The following MEIS1 variants were observed in gnomAD, a reference collection of about 807,000 sequenced individuals.
The protein encoded by MEIS1 is homeobox protein Meis1.
A neutral mutation model predicts 50.8 loss-of-function variants in MEIS1; 5 were observed. That is an observed-to-expected ratio of 0.10 (90% confidence interval 0.05 to 0.21). The LOEUF is 0.21. Ranked by LOEUF, MEIS1 falls within the 10% of genes least tolerant of loss-of-function variation. MEIS1 has a pLI of 1.00. For synonymous variants in MEIS1, 176 were observed against 179.3 expected, an observed-to-expected ratio of 0.98 and a Z score of 0.15; for missense variants, 318 against 517.3, an observed-to-expected ratio of 0.61 and a Z score of 3.74.
intron 7 of MEIS1, among the ~76,000 whole-genome samples, chr2:66,504,791 C>T (rs1427737159): frequency 6.6e-6 from 1 of 152,194 alleles, no homozygotes; most frequent in Non-Finnish European, 1.5e-5. Flanking sequence ...GAACTTAGCT[C>T]TGCCACAGTA....
intron 10 of MEIS1, chr2:66,567,755 A>G (rs1675386351): frequency 1.6e-6 from 1 of 630,828 alleles, no homozygotes; most frequent in Non-Finnish European, 2.8e-6. Context: ...ATGCTCAGTT[A>G]CAATATTCTT....
intron 7 of MEIS1, among the ~76,000 whole-genome samples, chr2:66,506,656 T>C (rs571491635): frequency 7.2e-5 from 11 of 152,336 alleles, no homozygotes; most frequent in Admixed American, 5.9e-4. Context: ...AAAATCATTC[T>C]GGCAGCTATT....
chr2:66,436,252 T>G (rs1427510117), intron 1 of MEIS1, among the ~76,000 whole-genome samples: 2 of 152,242 alleles, frequency 1.3e-5, no homozygotes. Context: ...TGTTATTGAT[T>G]ATGCTCATCT....
intron 8 of MEIS1, among the ~76,000 whole-genome samples, chr2:66,522,755 G>C (rs1346518143): frequency 6.6e-6 from 1 of 152,084 alleles, no homozygotes; most frequent in Non-Finnish European, 1.5e-5. Flanking sequence ...AAGAGGGAGG[G>C]GGAGAAAAAA....
In MEIS1 at chr2:66,435,814, G is replaced by A. The variant is rs748630296; in HGVS notation, c.-43G>A. ...TTTCTTTTCACACTGGCCTTAAAGAGGATATATTAGAAGTTGAAGTAGGAA... is the reference window on the plus strand; with the variant it reads ...TTTCTTTTCACACTGGCCTTAAAGAAGATATATTAGAAGTTGAAGTAGGAA... On this transcript the variant is annotated 5_prime_UTR_variant, in exon 1 of 13. Coordinates refer to ENST00000272369, the MANE Select transcript of MEIS1 (RefSeq NM_002398.3). 4 of 1,510,726 alleles carry A rather than the reference G, an allele frequency of 2.6e-6. No homozygotes were observed. Among genetic ancestry groups the A allele is most frequent in the Middle Eastern group, 1.7e-4 (1 of 5,756 alleles). 93.6% of individuals were successfully genotyped at this position (1,510,726 alleles called of 1,614,324 possible).
chr2:66,535,559 T>C (rs1419992938), intron 8 of MEIS1, among the ~76,000 whole-genome samples: 1 of 152,184 alleles, frequency 6.6e-6, no homozygotes, highest in Non-Finnish European at 1.5e-5. Flanking sequence ...CGCACCTCCC[T>C]GCCCCCAGCC....
intron 6 of MEIS1, among the ~76,000 whole-genome samples, chr2:66,449,122 G>A (rs1263191849): frequency 6.6e-6 from 1 of 152,046 alleles, no homozygotes; most frequent in Non-Finnish European, 1.5e-5. Context: ...TAGAATGCAT[G>A]TGACACAGTT....
Position 66,573,061 on chromosome 2 carries a change from A to G in MEIS1, c.*1853A>G, listed in dbSNP as rs1675513447. On this transcript the variant is annotated 3_prime_UTR_variant, in exon 13 of 13. Coordinates refer to ENST00000272369, the MANE Select transcript of MEIS1 (RefSeq NM_002398.3). ...TGCACATAAAGGCAAACCTAAGTACAAAGTTAAGTCTTTTACTAAAGGATG... is the reference window on the plus strand; with the variant it reads ...TGCACATAAAGGCAAACCTAAGTACGAAGTTAAGTCTTTTACTAAAGGATG... 1 of 152,202 alleles carries G rather than the reference A, an allele frequency of 6.6e-6. No individual in the cohort carries two copies. The highest frequency in any genetic ancestry group is 2.4e-5 in the African/African-American group (1 of 41,464). 9.4% of individuals were successfully genotyped at this position (152,202 alleles called of 1,614,324 possible). A position where few individuals can be genotyped will look rare whatever the true frequency, so the allele number is the denominator to read the frequency against.
rs1226327205 is a variant in MEIS1 at position 66,572,568 on chromosome 2, C to A, written c.*1360C>A. ...AATTATACTTTTTGTTGTGGATAAA[C>A]AAATGCTTGTTGATAGCCTTTTTCT... On this transcript the variant is annotated 3_prime_UTR_variant, in exon 13 of 13. Transcript: ENST00000272369. The A allele has an allele frequency of 6.6e-6, 1 of 151,902 alleles. No individual in the cohort carries two copies. Among genetic ancestry groups the A allele is most frequent in the Non-Finnish European group, 1.5e-5 (1 of 67,980 alleles). 9.4% of individuals were successfully genotyped at this position (151,902 alleles called of 1,614,324 possible).
chr2:66,512,023 CAG>C (rs1178719282), intron 7 of MEIS1, 124 bp from the exon 8 acceptor site: 1 of 1,113,290 alleles, frequency 9.0e-7, no homozygotes, highest in Non-Finnish European at 1.2e-6. Context: ...AACAAAAAAA[CAG>C]TACCAAAGAA....
chr2:66,571,155 T>C (rs1675477549), intron 12 of MEIS1, 91 bp from the exon 13 acceptor site: 2 of 1,330,794 alleles, frequency 1.5e-6, no homozygotes, highest in South Asian at 2.8e-5. Context: ...CACAGGGTTC[T>C]CTGGCTTTTA....
chr2:66,536,165 A>G (rs1674512971), intron 8 of MEIS1, among the ~76,000 whole-genome samples: 1 of 152,218 alleles, frequency 6.6e-6, no homozygotes, highest in Admixed American at 6.5e-5. Context: ...TAGATAACAC[A>G]TAAACCCCGG....
At chr2:66,563,207 G>T (rs1675261089) in intron 9 of MEIS1, among the ~76,000 whole-genome samples, 1 of 152,102 alleles carries the variant, frequency 6.6e-6, no homozygotes, top group African/African-American at 2.4e-5. Flanking sequence ...GACCTTATCA[G>T]TATGGAAAAT....
At chr2:66,568,077 T>C (rs1675394275) in intron 10 of MEIS1, 2 of 159,218 alleles carry the variant, frequency 1.3e-5, no homozygotes, top group African/African-American at 4.8e-5. Context: ...AGACCTTCTC[T>C]TGTTAATATC....
At chr2:66,490,704 T>C (rs966222345) in intron 7 of MEIS1, among the ~76,000 whole-genome samples, 6 of 152,086 alleles carry the variant, frequency 3.9e-5, no homozygotes, top group African/African-American at 1.4e-4. Context: ...ACTCCACTGA[T>C]GAAAACATTT....
At position 66,464,204 on chromosome 2, in the gene MEIS1, C is replaced by T. The variant is rs377466642; in HGVS notation, c.726C>T (p.Asp242=). The change falls in exon 7 of 13, where the codon GAC becomes GAT. Residue 242 remains aspartate, a synonymous_variant. Transcript: ENST00000272369. Reference sequence around the variant, plus strand: ...GTGGCCACACGTCACACAGTGGGGACAACAGCAGTGAGCAAGGTAGGAGAG... The same window carrying T: ...GTGGCCACACGTCACACAGTGGGGATAACAGCAGTGAGCAAGGTAGGAGAG... ...SSGGHTSHSG[D]NSSEQGDGLD... is the part of the protein sequence containing the mutation. 13 of 1,599,276 alleles carry T rather than the reference C, an allele frequency of 8.1e-6. No homozygotes were observed. In the African/African-American group the frequency reaches 1.6e-4, roughly 20 times the overall value.
At chr2:66,439,221 G>T (rs908767637) in intron 2 of MEIS1, 9 of 965,500 alleles carry the variant, frequency 9.3e-6, no homozygotes, top group African/African-American at 1.7e-5. Context: ...TTTGGGGGGC[G>T]GTGGGGGCTA....
intron 9 of MEIS1, among the ~76,000 whole-genome samples, chr2:66,562,645 T>TA (rs1675247344): frequency 6.6e-6 from 1 of 151,988 alleles, no homozygotes; most frequent in East Asian, 1.9e-4. Flanking sequence ...AACAACTAAG[T>TA]AAAAAAGAAA....
chr2:66,483,311 T>C (rs1022583422), intron 7 of MEIS1, among the ~76,000 whole-genome samples: 1 of 151,562 alleles, frequency 6.6e-6, no homozygotes, highest in African/African-American at 2.4e-5. Context: ...GAGCTCAAGC[T>C]ATCCTCCTGC....
Sources: gnomAD v4.1 joint callset for allele counts (sites outside exome capture counted in the v4.1 genomes callset) on GRCh38, gnomAD v4.1.1 for gene constraint, MANE v1.5 for transcripts, NCBI Gene and HGNC (gene_info 2026-07-23, HGNC 2026-07-21) for gene names.